Variants in RAB3GAP1 observed in about 807,000 individuals in gnomAD.
RAB3GAP1 encodes RAB3 GTPase activating protein catalytic subunit 1, also known as rab3 GTPase-activating protein catalytic subunit.
Under a neutral mutation model 130.7 loss-of-function variants are expected in RAB3GAP1, and 86 were observed. The observed-to-expected ratio is 0.66, with a 90% confidence interval of 0.55 to 0.79. RAB3GAP1 has a LOEUF of 0.79. Ranked by LOEUF, RAB3GAP1 falls within the 30% of genes least tolerant of loss-of-function variation. The pLI is 0.00. For missense variants in RAB3GAP1, 1,029 were observed against 1,169.4 expected (o/e 0.88, Z 1.75); for synonymous variants, 367 against 401.7 (o/e 0.91, Z 1.03).
At chr2:135,099,020 G>A (rs982055960) in intron 5 of RAB3GAP1, among the ~76,000 whole-genome samples, 2 of 151,794 alleles carry the variant, frequency 1.3e-5, no homozygotes, top group African/African-American at 4.8e-5. Context: ...TTAAAAATAT[G>A]TATTACAAGA....
intron 3 of RAB3GAP1, among the ~76,000 whole-genome samples, chr2:135,085,557 A>G (rs1689949000): frequency 6.6e-6 from 1 of 152,196 alleles, no homozygotes; most frequent in Non-Finnish European, 1.5e-5. Context: ...CTTAGACTCT[A>G]TCTTAGTTAC....
At chr2:135,130,204 T>G in intron 12 of RAB3GAP1, 117 bp downstream of exon 12, 1 of 863,214 alleles carries the variant, frequency 1.2e-6, no homozygotes. Context: ...TAATCAAGTT[T>G]TGATGGACTA....
Position 135,163,048 on chromosome 2 carries a change from C to T in RAB3GAP1, c.2553C>T (p.Ala851=), listed in dbSNP as rs764040449. 3.1e-6 allele frequency: 5 copies of T among 1,613,834 alleles called. No homozygotes were observed. The East Asian group carries it at 1.1e-4, about 36-fold the overall frequency. Residue 851 remains alanine, a synonymous_variant, in exon 22 of 24, where the codon GCC becomes GCT. Transcript: ENST00000264158. ...TTGCCAGAGCTCGGTCACTAAAAGC[C>T]AAGTTTGGAACTGAGAAATGTGAAC... The part of the protein sequence containing the change: ...ALIARARSLK[A]KFGTEKCEQE...
chr2:135,157,415 A>C (rs1294731050), intron 19 of RAB3GAP1, among the ~76,000 whole-genome samples: 1 of 152,226 alleles, frequency 6.6e-6, no homozygotes, highest in Non-Finnish European at 1.5e-5. Flanking sequence ...ATTTTAAATG[A>C]GTAACATAAC....
At chr2:135,174,191 G>GCTTAGCA (rs1692940140), downstream of RAB3GAP1, among the ~76,000 whole-genome samples, 1 of 152,200 alleles carries the variant, frequency 6.6e-6, no homozygotes. Context: ...GAGCGTTCTT[G>GCTTAGCA]GCCTTAGCTT....
At position 135,135,561 on chromosome 2, in the gene RAB3GAP1, A is replaced by G; in HGVS notation, c.1555-3A>G. On this transcript the variant is annotated splice_polypyrimidine_tract_variant and splice_region_variant and intron_variant, in intron 16 of 23. Transcript: ENST00000264158. ...CTATAAATGTTATTTCTCTTTTCTT[A>G]AGATGTTAAATTGTTGTATTGAAAG... 1 of 1,592,592 alleles carries G rather than the reference A, an allele frequency of 6.3e-7. No individual in the cohort carries two copies. The highest frequency in any genetic ancestry group is 8.6e-7 in the Non-Finnish European group (1 of 1,166,390).
intron 2 of RAB3GAP1, among the ~76,000 whole-genome samples, chr2:135,055,145 C>A (rs1031979733): frequency 1.3e-5 from 2 of 151,928 alleles, no homozygotes; most frequent in African/African-American, 4.8e-5. Context: ...TCAAGTAATA[C>A]AAGTCTGTAA....
At chr2:135,086,661 CTTTTTTTTTTTT>C (rs59270938) in intron 3 of RAB3GAP1, among the ~76,000 whole-genome samples, 2 of 65,068 alleles carry the variant, frequency 3.1e-5, no homozygotes, top group Admixed American at 3.8e-4. Flanking sequence ...TTCCCCTAAT[CTTTTTTTTTTTT>C]TTTTTTTTTT....
downstream of RAB3GAP1, among the ~76,000 whole-genome samples, chr2:135,173,230 T>C (rs1692908450): frequency 6.6e-6 from 1 of 151,958 alleles, no homozygotes; most frequent in East Asian, 2.0e-4. Context: ...AAGGAAAGGG[T>C]TAGGGCTTAT....
At chr2:135,127,222 C>T (rs1205589254) in intron 11 of RAB3GAP1, among the ~76,000 whole-genome samples, 1 of 148,626 alleles carries the variant, frequency 6.7e-6, no homozygotes, top group Non-Finnish European at 1.5e-5. Flanking sequence ...TTTTATGTTA[C>T]TCCCTTTCCT....
chr2:135,138,324 C>T (rs1456447491), intron 17 of RAB3GAP1, among the ~76,000 whole-genome samples: 2 of 151,064 alleles, frequency 1.3e-5, no homozygotes, highest in African/African-American at 4.9e-5. Context: ...GTAGCGTACA[C>T]CTGTAGTCCC....
intron 10 of RAB3GAP1, 59 bp downstream of exon 10, chr2:135,126,308 C>A: frequency 2.3e-6 from 3 of 1,277,516 alleles, no homozygotes; most frequent in South Asian, 2.6e-5. Context: ...GAATAACTCT[C>A]AAATTGCTAG....
rs376789964 is a variant in RAB3GAP1, at chr2:135,131,870, C to T, written c.1237-1025C>T. ...GTAATTGTGGTTAAAATCATACTCCCGGAAATTTGTGCATTAAGACAATCT... is the reference window on the plus strand; with the variant it reads ...GTAATTGTGGTTAAAATCATACTCCTGGAAATTTGTGCATTAAGACAATCT... On this transcript the variant is annotated intron_variant, in intron 13 of 23. Coordinates refer to ENST00000264158, the MANE Select transcript of RAB3GAP1 (RefSeq NM_012233.3). Among the ~76,000 whole-genome samples the T allele has an allele frequency of 5.3e-5, 8 of 152,236 alleles. No individual in the cohort carries two copies. The East Asian group carries it at 9.7e-4, about 18-fold the overall frequency.
chr2:135,160,758 T>A (rs1381683403), intron 19 of RAB3GAP1, among the ~76,000 whole-genome samples: 1 of 151,702 alleles, frequency 6.6e-6, no homozygotes, highest in African/African-American at 2.4e-5. Context: ...AGATTACAAT[T>A]ATTTTTATCA....
intron 3 of RAB3GAP1, among the ~76,000 whole-genome samples, chr2:135,089,050 C>T (rs1431612675): frequency 6.6e-6 from 1 of 152,152 alleles, no homozygotes; most frequent in African/African-American, 2.4e-5. Flanking sequence ...TTTAATCCAT[C>T]TTAAATTAAT....
chr2:135,156,433 G>A (rs1167452311), intron 19 of RAB3GAP1, among the ~76,000 whole-genome samples: 1 of 151,950 alleles, frequency 6.6e-6, no homozygotes. Flanking sequence ...ATGCAAAATC[G>A]GAAGTAAACA....
At chr2:135,166,148 G>A (rs1692642692) in intron 23 of RAB3GAP1, among the ~76,000 whole-genome samples, 1 of 151,128 alleles carries the variant, frequency 6.6e-6, no homozygotes, top group South Asian at 2.1e-4. Flanking sequence ...CTCCGGCCTG[G>A]GTGATAAAAC....
In RAB3GAP1 at chr2:135,093,690, G is replaced by T. The variant is rs1482134447; in HGVS notation, c.359G>T (p.Arg120Ile). 1 of 1,606,904 alleles carries T rather than the reference G, an allele frequency of 6.2e-7. No individual in the cohort carries two copies. The highest frequency in any genetic ancestry group is 1.1e-5 in the South Asian group (1 of 90,936). The change falls in exon 5 of 24, where the codon AGA (arginine) becomes ATA (isoleucine). Residue 120 changes from arginine (R) to isoleucine (I), a missense_variant. Physicochemically the swap from Arg to Ile is moderately conservative, Grantham distance 97 (BLOSUM62 -3). Transcript: ENST00000264158. ...DFPPRAHCLV[R>I]WYGLREFVVI... ...CCTCCAAGAGCACATTGCCTGGTAA[G>T]ATGGTAGGTATATCTTTTACTCAGT...
chr2:135,117,597 G>GCTTCTT (rs1691039898), intron 7 of RAB3GAP1, among the ~76,000 whole-genome samples: 1 of 17,748 alleles, frequency 5.6e-5, no homozygotes, highest in African/African-American at 1.9e-4. Context: ...TTCTTCTGCT[G>GCTTCTT]CTTCTTCTGC....
Sources: gnomAD v4.1 joint callset for allele counts (sites outside exome capture counted in the v4.1 genomes callset) on GRCh38, gnomAD v4.1.1 for gene constraint, MANE v1.5 for transcripts, NCBI Gene and HGNC (gene_info 2026-07-23, HGNC 2026-07-21) for gene names.